The following DRD2 variants were observed in gnomAD, a reference collection of about 807,000 sequenced individuals.
DRD2 encodes D(2) dopamine receptor.
Under a neutral mutation model 38.0 loss-of-function variants are expected in DRD2, and 8 were observed. That is an observed-to-expected ratio of 0.21 (90% CI 0.12 to 0.38). DRD2 has a LOEUF of 0.38. DRD2 is among the 10% of genes least tolerant of loss of function. The probability of loss-of-function intolerance (pLI) is 1.00; values close to 1 mark genes in which losing one functional copy is unlikely to be tolerated. For synonymous variants in DRD2, 230 were observed against 238.6 expected, an observed-to-expected ratio of 0.96 and a Z score of 0.33; for missense variants, 403 against 607.7, an observed-to-expected ratio of 0.66 and a Z score of 3.54.
At chr11:113,416,549 T>C (rs1231733104) in intron 4 of DRD2, among the ~76,000 whole-genome samples, 2 of 152,236 alleles carry the variant, frequency 1.3e-5, no homozygotes, top group Non-Finnish European at 2.9e-5. Flanking sequence ...ACACATGCAG[T>C]TTGTGAAGCA....
chr11:113,416,288 A>G (rs1446673532), intron 4 of DRD2, among the ~76,000 whole-genome samples: 1 of 152,158 alleles, frequency 6.6e-6, no homozygotes, highest in Admixed American at 6.5e-5. Context: ...CTCCCTGATG[A>G]GAGGAAGTTC....
chr11:113,472,451 G>A (rs752380919), intron 1 of DRD2, among the ~76,000 whole-genome samples: 12 of 152,242 alleles, frequency 7.9e-5, no homozygotes, highest in Admixed American at 1.3e-4. Flanking sequence ...GAACAGAAGC[G>A]TTTGTCTCAA....
At chr11:113,455,695 T>C (rs1027486940) in intron 1 of DRD2, among the ~76,000 whole-genome samples, 1 of 152,162 alleles carries the variant, frequency 6.6e-6, no homozygotes, top group African/African-American at 2.4e-5. Context: ...ATGCTCAACA[T>C]CACTATTCGT....
chr11:113,456,605 A>C (rs1356625206), intron 1 of DRD2, among the ~76,000 whole-genome samples: 4 of 152,234 alleles, frequency 2.6e-5, no homozygotes, highest in African/African-American at 9.6e-5. Flanking sequence ...ACATGCTACA[A>C]CATGGATGAA....
At chr11:113,411,811 T>A (rs1303905263) in intron 7 of DRD2, 1 of 152,590 alleles carries the variant, frequency 6.6e-6, no homozygotes, top group Non-Finnish European at 1.5e-5. Flanking sequence ...CGCCCCAGGA[T>A]CATCCGGCAG....
chr11:113,472,931 G>A (rs1418427856), intron 1 of DRD2, among the ~76,000 whole-genome samples: 5 of 152,174 alleles, frequency 3.3e-5, no homozygotes, highest in Non-Finnish European at 7.3e-5. Context: ...GGGGAGAGGA[G>A]ATTGGATTGC....
chr11:113,464,234 G>A (rs187651260), intron 1 of DRD2, among the ~76,000 whole-genome samples: 1 of 152,262 alleles, frequency 6.6e-6, no homozygotes, highest in African/African-American at 2.4e-5. Flanking sequence ...CTACACTGGA[G>A]GTGTGTACTG....
chr11:113,458,910 G>A (rs775021157), intron 1 of DRD2, among the ~76,000 whole-genome samples: 2 of 152,124 alleles, frequency 1.3e-5, no homozygotes, highest in African/African-American at 4.8e-5. Flanking sequence ...CAGCGATGGG[G>A]CAGGGGGAAA....
intron 5 of DRD2, 104 bp downstream of exon 5, chr11:113,415,316 TA>T: frequency 7.0e-7 from 1 of 1,434,920 alleles, no homozygotes; most frequent in Non-Finnish European, 9.4e-7. Flanking sequence ...AGCCTAGACC[TA>T]ACCCTTGCTG....
intron 1 of DRD2, among the ~76,000 whole-genome samples, chr11:113,441,912 C>T (rs1951096845): frequency 6.6e-6 from 1 of 150,658 alleles, no homozygotes; most frequent in Non-Finnish European, 1.5e-5. Flanking sequence ...CGCACCACTG[C>T]ACTCCAGGCT....
chr11:113,417,992 G>A (rs1229390595), intron 3 of DRD2, 35 bp downstream of exon 3: 1 of 1,574,088 alleles, frequency 6.4e-7, no homozygotes, highest in Admixed American at 1.7e-5. Flanking sequence ...ATGGTGAGTG[G>A]CCAGAGCAAC....
chr11:113,461,273 G>A (rs979491249), intron 1 of DRD2, among the ~76,000 whole-genome samples: 1 of 152,178 alleles, frequency 6.6e-6, no homozygotes, highest in African/African-American at 2.4e-5. Context: ...ACTTAATGAT[G>A]GGGCTCCCAG....
chr11:113,437,902 G>A (rs1293401611), intron 1 of DRD2, among the ~76,000 whole-genome samples: 1 of 152,174 alleles, frequency 6.6e-6, no homozygotes, highest in Non-Finnish European at 1.5e-5. Flanking sequence ...GGGGCAACAT[G>A]GGCACAACAG....
intron 1 of DRD2, among the ~76,000 whole-genome samples, chr11:113,435,465 C>T (rs1324185854): frequency 6.6e-6 from 1 of 152,078 alleles, no homozygotes; most frequent in Non-Finnish European, 1.5e-5. Flanking sequence ...ATCCCTGGGG[C>T]AGCTCACGTG....
intron 1 of DRD2, among the ~76,000 whole-genome samples, chr11:113,465,179 C>T (rs1348176249): frequency 6.6e-6 from 1 of 151,914 alleles, no homozygotes; most frequent in East Asian, 1.9e-4. Flanking sequence ...GATCTCACTG[C>T]ACCATCTGCT....
Position 113,451,718 on chromosome 11 carries a change from G to T in DRD2, c.-32+23358C>A, listed in dbSNP as rs1165351883. Among the ~76,000 whole-genome samples the T allele has an allele frequency of 2.0e-5, 3 of 152,132 alleles. No homozygotes were observed. The East Asian group carries it at 5.8e-4, about 29-fold the overall frequency. On this transcript the variant is annotated intron_variant, in intron 1 of 7. Coordinates refer to ENST00000362072, the MANE Select transcript of DRD2 (RefSeq NM_000795.4). ...TCGGCCAGGCTGGTCTCAAACTCCT[G>T]ACCTTAAGTGATCCACTGGCCTCAG...
chr11:113,463,546 T>C (rs1261960496), intron 1 of DRD2, among the ~76,000 whole-genome samples: 1 of 152,234 alleles, frequency 6.6e-6, no homozygotes, highest in Non-Finnish European at 1.5e-5. Flanking sequence ...TCTGAATCAC[T>C]TGCTGGAGGA....
chr11:113,444,479 A>C (rs1487644083), intron 1 of DRD2, among the ~76,000 whole-genome samples: 2 of 152,240 alleles, frequency 1.3e-5, no homozygotes, highest in Non-Finnish European at 2.9e-5. Context: ...GAAATCAGTC[A>C]ATCCACCATA....
intron 2 of DRD2, 136 bp downstream of exon 2, chr11:113,424,231 C>A: frequency 2.3e-6 from 2 of 885,226 alleles, no homozygotes; most frequent in South Asian, 1.6e-5. Context: ...AAAAAGTAAG[C>A]CCAGAGTGAA....
Sources: gnomAD v4.1 joint callset for allele counts (sites outside exome capture counted in the v4.1 genomes callset) on GRCh38, gnomAD v4.1.1 for gene constraint, MANE v1.5 for transcripts, NCBI Gene and HGNC (gene_info 2026-07-23, HGNC 2026-07-21) for gene names.